UBE2F: variants seen among roughly 807,000 people sequenced by gnomAD.
UBE2F encodes NEDD8-conjugating enzyme UBE2F.
A neutral mutation model predicts 29.6 loss-of-function variants in UBE2F; 5 were observed. The observed-to-expected ratio is 0.17, with a 90% CI of 0.09 to 0.36. UBE2F has a LOEUF of 0.36. UBE2F is among the 10% of genes least tolerant of loss of function. UBE2F has a pLI of 1.00. For synonymous variants in UBE2F, 66 were observed against 81.8 expected, an observed-to-expected ratio of 0.81 and a Z score of 1.04; for missense variants, 141 against 228.5, an observed-to-expected ratio of 0.62 and a Z score of 2.47.
chr2:237,997,241 T>A (rs2063710962), intron 4 of UBE2F, among the ~76,000 whole-genome samples: 1 of 152,018 alleles, frequency 6.6e-6, no homozygotes, highest in African/African-American at 2.4e-5. Context: ...AAAAAATAAA[T>A]AAAAAGTAAC....
At chr2:238,011,514 T>C (rs539412483) in intron 4 of UBE2F, among the ~76,000 whole-genome samples, 61 of 152,386 alleles carry the variant, frequency 4.0e-4, no homozygotes, top group African/African-American at 1.4e-3. Flanking sequence ...TGTTGATGTG[T>C]CACCAGGGCC....
rs941459607 is a variant in UBE2F, at chr2:237,981,032, A to T, written c.119-6931A>T. 5.0e-4 allele frequency among the ~76,000 whole-genome samples: 76 copies of T among 152,244 alleles called. 2 individuals carry two copies. The highest frequency in any genetic ancestry group is 1.8e-3 in the African/African-American group (76 of 41,464). ...AGAAAGGAAAAGAGTCTAATCTATC[A>T]GAAGGAAGTTATGCGGCCACGGAAT... On this transcript the variant is annotated intron_variant, in intron 2 of 9. Coordinates refer to ENST00000272930, the MANE Select transcript of UBE2F (RefSeq NM_080678.3).
At chr2:238,011,874 G>A (rs1391306858) in intron 4 of UBE2F, among the ~76,000 whole-genome samples, 1 of 152,024 alleles carries the variant, frequency 6.6e-6, no homozygotes, top group African/African-American at 2.4e-5. Flanking sequence ...GCCAAAGATT[G>A]TACAAAGTAT....
chr2:237,982,968 C>T lies in UBE2F; in HGVS notation c.119-4995C>T, dbSNP rs1002084806. Among the ~76,000 whole-genome samples the T allele has an allele frequency of 6.6e-6, 1 of 152,094 alleles. No homozygotes were observed. The highest frequency in any genetic ancestry group is 2.1e-4 in the South Asian group (1 of 4,818). On this transcript the variant is annotated intron_variant, in intron 2 of 9. Transcript: ENST00000272930. This position sits in a 1 kb window ranked among gnomAD's most constrained non-coding sequence, Gnocchi z 4.1. The stretch of plus-strand genomic sequence containing the variant: ...AATGGTAAACCTTTCCTAGGATCAC[C>T]ATCATTATATTTTGTTAAGTAAATA...
At chr2:238,034,127 T>TA (rs140711867) in intron 8 of UBE2F, among the ~76,000 whole-genome samples, 33 of 149,576 alleles carry the variant, frequency 2.2e-4, no homozygotes, top group Admixed American at 1.6e-3. Flanking sequence ...TCCTTGGACT[T>TA]AAAAAAAAAA....
At chr2:237,992,026 G>A (rs748451541) in intron 3 of UBE2F, among the ~76,000 whole-genome samples, 7 of 151,948 alleles carry the variant, frequency 4.6e-5, no homozygotes, top group South Asian at 4.1e-4. Context: ...CATTACATCC[G>A]GCTAATTTTT....
chr2:238,032,158 TG>T (rs2064596422), intron 7 of UBE2F, 63 bp from the exon 8 acceptor site: 1 of 1,309,532 alleles, frequency 7.6e-7, no homozygotes, highest in Non-Finnish European at 1.1e-6. Flanking sequence ...TTCTTGATCA[TG>T]GGTTTAAAAG....
intron 4 of UBE2F, among the ~76,000 whole-genome samples, chr2:238,012,044 A>ATTTTT (rs34003831): frequency 7.6e-6 from 1 of 131,514 alleles, no homozygotes; most frequent in Non-Finnish European, 1.6e-5. Context: ...ACACCTGGCA[A>ATTTTT]TTTTTTTTTT....
At chr2:238,032,130 A>G (rs2064595792) in intron 7 of UBE2F, 92 bp from the exon 8 acceptor site, 1 of 956,292 alleles carries the variant, frequency 1.0e-6, no homozygotes, top group East Asian at 2.4e-5. Flanking sequence ...ACAGGTTTTG[A>G]TACAGTGCAA....
rs778308355 is a variant in UBE2F, at chr2:238,035,986, A to T, written c.507+46A>T. ...TTCTAGGTTGATGTACTTGTCACGA[A>T]CACGATTACTACTGTCTCTTGATTG... is the stretch of plus-strand genomic sequence containing the variant. On this transcript the variant is annotated intron_variant, in intron 9 of 9. Transcript: ENST00000272930. 2.0e-6 allele frequency: 3 copies of T among 1,488,994 alleles called. No individual in the cohort carries two copies. In the South Asian group the frequency reaches 3.4e-5, roughly 17 times the overall value. The allele number at this position is 1,488,994 out of a possible 1,614,324, so 92.2% of individuals were successfully genotyped here. A position where few individuals can be genotyped will look rare whatever the true frequency, so the allele number is the denominator to read the frequency against.
chr2:237,968,020 G>A lies in UBE2F; in HGVS notation c.-17+888G>A, dbSNP rs188001514. On this transcript the variant is annotated intron_variant, in intron 1 of 9. Transcript: ENST00000272930. The stretch of plus-strand genomic sequence containing the variant: ...TGTAGGTAGGAATCTTCCCCTTAAG[G>A]AAGGGGTAGGATTCGTTTGTGAAGG... 2.0e-4 allele frequency among the ~76,000 whole-genome samples: 30 copies of A among 152,282 alleles called. No homozygotes were observed. In the East Asian group the frequency reaches 5.8e-3, roughly 29 times the overall value.
At chr2:238,032,921 G>A (rs1018131241) in intron 8 of UBE2F, among the ~76,000 whole-genome samples, 8 of 152,180 alleles carry the variant, frequency 5.3e-5, no homozygotes, top group African/African-American at 1.9e-4. Context: ...TGGGGCAGGG[G>A]CCACAGCAGT....
At chr2:237,978,593 C>G (rs779111472) in intron 2 of UBE2F, among the ~76,000 whole-genome samples, 1 of 152,194 alleles carries the variant, frequency 6.6e-6, no homozygotes, top group Non-Finnish European at 1.5e-5. Flanking sequence ...TCAGCCACAC[C>G]CACATTTCCT....
chr2:237,971,174 C>T (rs1052651338), intron 1 of UBE2F, among the ~76,000 whole-genome samples: 13 of 152,192 alleles, frequency 8.5e-5, no homozygotes, highest in African/African-American at 2.7e-4. Flanking sequence ...GGATCTTAGC[C>T]TCAACCTAAA....
intron 6 of UBE2F, among the ~76,000 whole-genome samples, chr2:238,027,055 TAGTC>T (rs1392667004): frequency 6.6e-6 from 1 of 152,176 alleles, no homozygotes; most frequent in African/African-American, 2.4e-5. Flanking sequence ...GTCCCTGCCT[TAGTC>T]AGAAATGGGT....
Position 238,040,272 on chromosome 2 carries a change from G to A in UBE2F, c.508-1016G>A, listed in dbSNP as rs1210422485. ...CTCCAGGCAGGATCTCCCTGCAAGA[G>A]GGCATCGCGGCAGCAGCGAGGTATA... On this transcript the variant is annotated intron_variant, in intron 9 of 9. Transcript: ENST00000272930. The surrounding 1 kb of genome is among the most constrained non-coding windows in gnomAD (Gnocchi z 4.4). 2.6e-5 allele frequency among the ~76,000 whole-genome samples: 4 copies of A among 152,242 alleles called. No homozygotes were observed. Among genetic ancestry groups the A allele is most frequent in the Admixed American group, 2.6e-4 (4 of 15,292 alleles).
intron 2 of UBE2F, chr2:237,986,368 G>C (rs1402217978): frequency 4.2e-5 from 7 of 167,190 alleles, no homozygotes; most frequent in Non-Finnish European, 7.8e-5. Context: ...TGCCCAGGTA[G>C]GCCTTTAAAC....
intron 3 of UBE2F, among the ~76,000 whole-genome samples, chr2:237,991,392 G>A (rs1432304330): frequency 6.6e-6 from 1 of 151,938 alleles, no homozygotes; most frequent in African/African-American, 2.4e-5. Context: ...GTAACTATTC[G>A]GAACTAGTTT....
At chr2:238,033,724 C>G (rs1405997259) in intron 8 of UBE2F, among the ~76,000 whole-genome samples, 1 of 152,220 alleles carries the variant, frequency 6.6e-6, no homozygotes, top group African/African-American at 2.4e-5. Flanking sequence ...TCAAGCACTT[C>G]CAGTGATTTC....
Sources: allele counts gnomAD v4.1 joint callset (sites outside exome capture counted in the v4.1 genomes callset), GRCh38; gene constraint gnomAD v4.1.1; non-coding constraint Gnocchi (gnomAD v3.1); transcripts MANE v1.5; gene names NCBI Gene and HGNC (gene_info 2026-07-23, HGNC 2026-07-21).